FANCG: variants seen among roughly 807,000 people sequenced by gnomAD.
The protein encoded by FANCG is Fanconi anemia group G protein.
A neutral mutation model predicts 73.3 loss-of-function variants in FANCG; 67 were observed. The observed-to-expected ratio is 0.91, with a 90% CI of 0.75 to 1.12. FANCG has a LOEUF of 1.12. FANCG is among the 50% of genes most tolerant of loss of function. FANCG has a pLI of 0.00. For synonymous variants in FANCG, 297 were observed against 311.6 expected, an observed-to-expected ratio of 0.95 and a Z score of 0.49; for missense variants, 643 against 735.6, an observed-to-expected ratio of 0.87 and a Z score of 1.46.
intron 3 of FANCG, 77 bp from the exon 4 acceptor site, chr9:35,078,420 G>A (rs1031144221): frequency 1.9e-6 from 3 of 1,547,416 alleles, no homozygotes; most frequent in African/African-American, 2.7e-5. Flanking sequence ...CACACACTCT[G>A]GCTTTCCTCT....
At chr9:35,079,108 T>G (rs1829137406) in intron 2 of FANCG, 43 bp downstream of exon 2, 19 of 1,506,062 alleles carry the variant, frequency 1.3e-5, no homozygotes, top group Non-Finnish European at 1.6e-5. Context: ...TTTCTCTGGC[T>G]ATGGAAGAGG....
chr9:35,075,454 C>G lies in FANCG; in HGVS notation c.1433+11G>C. The G allele has an allele frequency of 6.2e-7, 1 of 1,614,084 alleles. No individual in the cohort carries two copies. The highest frequency in any genetic ancestry group is 8.5e-7 in the Non-Finnish European group (1 of 1,180,030). On this transcript the variant is annotated intron_variant, in intron 10 of 13. Transcript: ENST00000378643. Reference sequence around the variant, plus strand: ...CATCCCTCCACACCCCCTCTAGGACCCCGGGCTCACCTGCTAAATTCACTA... The same window carrying G: ...CATCCCTCCACACCCCCTCTAGGACGCCGGGCTCACCTGCTAAATTCACTA...
At chr9:35,077,225 A>G in intron 5 of FANCG, 39 bp downstream of exon 5, 1 of 1,614,172 alleles carries the variant, frequency 6.2e-7, no homozygotes, top group Non-Finnish European at 8.5e-7. Context: ...CTGGAGGACC[A>G]CTTAAAGGTA....
chr9:35,074,722 C>A, intron 12 of FANCG: 1 of 859,848 alleles, frequency 1.2e-6, no homozygotes. Flanking sequence ...CTGAGGATAT[C>A]GGGGAAACCA....
chr9:35,074,244 G>A lies in FANCG; in HGVS notation c.1761-28C>T, dbSNP rs370246800. On this transcript the variant is annotated intron_variant, in intron 13 of 13. Transcript: ENST00000378643. ...GGAGAGAAAGAAGGATGATGCCTAA[G>A]GGTGAAAGATTGGCAGAAAGCTGGG... 6 of 1,611,972 alleles carry A rather than the reference G, an allele frequency of 3.7e-6. No homozygotes were observed. In the East Asian group the frequency reaches 1.3e-4, roughly 36 times the overall value.
intron 8 of FANCG, 141 bp downstream of exon 8, chr9:35,076,290 AG>A (rs1829081576): frequency 2.1e-6 from 2 of 973,912 alleles, no homozygotes; most frequent in East Asian, 2.4e-5. Context: ...TCTAGAAGCA[AG>A]GTAAGAGGCT....
Position 35,079,277 on chromosome 9 carries a change from A to C in FANCG, c.85-36T>G, listed in dbSNP as rs199509057. 3.8e-6 allele frequency: 6 copies of C among 1,588,792 alleles called. No homozygotes were observed. The Admixed American group carries it at 8.6e-5, about 23-fold the overall frequency. On this transcript the variant is annotated intron_variant, in intron 1 of 13. Coordinates refer to ENST00000378643, the MANE Select transcript of FANCG (RefSeq NM_004629.2). ...AGGGAGGGGTTGTCACTGAGGATCA[A>C]TCCTTTTTTCTCCCCTTGCAGCAGT...
At position 35,078,702 on chromosome 9, in the gene FANCG, C is replaced by A. The variant is rs569431785; in HGVS notation, c.210G>T (p.Glu70Asp). 6.2e-7 allele frequency: 1 copy of A among 1,614,156 alleles called. No individual in the cohort carries two copies. Among genetic ancestry groups the A allele is most frequent in the African/African-American group, 1.3e-5 (1 of 75,030 alleles). The change falls in exon 3 of 14, where the codon GAG becomes GAT. Residue 70 changes from glutamate to aspartate, a missense_variant. Transcript: ENST00000378643. Reference sequence around the variant, plus strand: ...TAATGAAGTTGCAGGTGACAGTCAGCTCCAAGGGAAGAACAGGAACAGCTG... The same window carrying A: ...TAATGAAGTTGCAGGTGACAGTCAGATCCAAGGGAAGAACAGGAACAGCTG... The part of the protein sequence containing the change: ...LPAAVPVLPL[E>D]LTVTCNFIIL...
At chr9:35,075,892 G>C (rs993110939) in intron 9 of FANCG, 70 bp downstream of exon 9, 2 of 1,579,148 alleles carry the variant, frequency 1.3e-6, no homozygotes, top group African/African-American at 2.7e-5. Flanking sequence ...AAAAATTGCA[G>C]TCTTGCTGTA....
At chr9:35,078,008 C>A in intron 4 of FANCG, 133 bp downstream of exon 4, 2 of 858,778 alleles carry the variant, frequency 2.3e-6, no homozygotes, top group South Asian at 2.7e-5. Flanking sequence ...ACCCAAGAGT[C>A]CCAGAGAGAA....
chr9:35,076,018 C>A lies in FANCG; in HGVS notation c.1087G>T (p.Ala363Ser). The A allele has an allele frequency of 2.5e-6, 4 of 1,614,074 alleles. No homozygotes were observed. Among genetic ancestry groups the A allele is most frequent in the Non-Finnish European group, 3.4e-6 (4 of 1,180,028 alleles). The change falls in exon 9 of 14, where the codon GCT (alanine) becomes TCT (serine). Residue 363 changes from alanine to serine, a missense_variant. Ala to Ser is a moderately conservative substitution (Grantham distance 99). Coordinates refer to ENST00000378643, the MANE Select transcript of FANCG (RefSeq NM_004629.2). ...RCLQTGRAGD[A>S]AEHYLDLLAL... ...AGCAGGTCCAAGTAATGCTCTGCAGCGTCTCCTGCCCTGAGGAGTAAAAGC... is the reference window on the plus strand; with the variant it reads ...AGCAGGTCCAAGTAATGCTCTGCAGAGTCTCCTGCCCTGAGGAGTAAAAGC...
chr9:35,078,534 C>T (rs1829127556), intron 3 of FANCG, 71 bp downstream of exon 3: 2 of 1,604,798 alleles, frequency 1.2e-6, no homozygotes, highest in Non-Finnish European at 1.7e-6. Flanking sequence ...GTTTATCCTC[C>T]CATCTCCCTG....
At chr9:35,075,375 C>G (rs368631340) in intron 10 of FANCG, 50 bp from the exon 11 acceptor site, 125 of 1,613,696 alleles carry the variant, frequency 7.7e-5, no homozygotes, top group Non-Finnish European at 1.0e-4. Flanking sequence ...TTCAGAAACT[C>G]TAGGGTAAGT....
intron 8 of FANCG, 133 bp downstream of exon 8, chr9:35,076,299 G>T: frequency 1.9e-6 from 2 of 1,048,236 alleles, no homozygotes; most frequent in Non-Finnish European, 3.0e-6. Context: ...AAGGTAAGAG[G>T]CTGAGGAGTG....
At chr9:35,079,052 C>T in intron 2 of FANCG, 99 bp downstream of exon 2, 2 of 1,060,030 alleles carry the variant, frequency 1.9e-6, no homozygotes, top group Non-Finnish European at 2.8e-6. Context: ...AACAGGACTC[C>T]CTGCCCCGAG....
At chr9:35,079,321 C>T in intron 1 of FANCG, 80 bp from the exon 2 acceptor site, 1 of 1,542,904 alleles carries the variant, frequency 6.5e-7, no homozygotes, top group Non-Finnish European at 9.0e-7. Context: ...ATGCATTCTC[C>T]AGTCATTTCT....
intron 3 of FANCG, 57 bp downstream of exon 3, chr9:35,078,548 T>C: frequency 1.9e-6 from 3 of 1,613,300 alleles, no homozygotes; most frequent in Non-Finnish European, 2.5e-6. Flanking sequence ...CTCCCTGCAA[T>C]AACTTAAACC....
chr9:35,073,980 CCACCAATCT>C lies in FANCG; in HGVS notation c.*119_*127del. On this transcript the variant is annotated 3_prime_UTR_variant, in exon 14 of 14. Coordinates refer to ENST00000378643, the MANE Select transcript of FANCG (RefSeq NM_004629.2). ...AACTAGGGCAAATTTCACAGGCCTA[CCACCAATCT>C]CACCAGTCCAGGAATTATATAGGAA... The C allele has an allele frequency of 7.6e-6, 6 of 784,912 alleles. No homozygotes were observed. The highest frequency in any genetic ancestry group is 2.8e-5 in the South Asian group (2 of 70,628). 48.6% of individuals were successfully genotyped at this position (784,912 alleles called of 1,614,324 possible).
Position 35,074,127 on chromosome 9 carries a change from G to A in FANCG, c.1850C>T (p.Pro617Leu), listed in dbSNP as rs763852498. The A allele has an allele frequency of 1.2e-6, 2 of 1,613,970 alleles. No homozygotes were observed. The highest frequency in any genetic ancestry group is 1.1e-5 in the South Asian group (1 of 91,080). ...AFLEEFRTSL[P>L]KSCDL ...TGGCAGCTACAGGTCACAAGACTTTGGCAGAGATGTCCGAAATTCTTCAAG... is the reference window on the plus strand; with the variant it reads ...TGGCAGCTACAGGTCACAAGACTTTAGCAGAGATGTCCGAAATTCTTCAAG... Residue 617 changes from proline (P) to leucine (L), a missense_variant, in exon 14 of 14, where the codon CCA (proline) becomes CTA (leucine). Physicochemically the swap from Pro to Leu is moderately conservative, Grantham distance 98. Coordinates refer to ENST00000378643, the MANE Select transcript of FANCG (RefSeq NM_004629.2).
Sources: allele counts gnomAD v4.1 joint callset, GRCh38; gene constraint gnomAD v4.1.1; transcripts MANE v1.5; gene names NCBI Gene and HGNC (gene_info 2026-07-23, HGNC 2026-07-21).